The following DAB1 variants were observed in gnomAD, a reference collection of about 807,000 sequenced individuals.
DAB1 encodes disabled homolog 1.
In DAB1, 15 loss-of-function variants were observed where a neutral mutation model predicts 64.6. The ratio of observed to expected loss-of-function variants is 0.23; its 90% CI spans 0.16 to 0.36. The LOEUF (loss-of-function observed/expected upper bound fraction) is 0.36. Ranked by LOEUF, DAB1 falls within the 10% of genes least tolerant of loss-of-function variation. The probability of loss-of-function intolerance (pLI) is 1.00; values close to 1 mark genes in which losing one functional copy is unlikely to be tolerated. For missense variants in DAB1, 596 were observed against 706.7 expected (o/e 0.84, Z 1.78); for synonymous variants, 235 against 251.9 (o/e 0.93, Z 0.64).
intron 4 of DAB1, among the ~76,000 whole-genome samples, chr1:58,252,096 G>C (rs1284961725): frequency 6.6e-6 from 1 of 152,156 alleles, no homozygotes; most frequent in Non-Finnish European, 1.5e-5. Context: ...GTATTGTGAG[G>C]ATGAAATGTG....
chr1:57,438,394 G>GC (rs1553181851), intron 7 of DAB1, among the ~76,000 whole-genome samples: 31 of 150,674 alleles, frequency 2.1e-4, no homozygotes, highest in Non-Finnish European at 4.0e-4. Context: ...ATAGTGGTTT[G>GC]TTTTTTTTTC....
intron 2 of DAB1, among the ~76,000 whole-genome samples, chr1:58,511,615 C>A (rs1386022680): frequency 1.3e-5 from 2 of 151,958 alleles, no homozygotes; most frequent in Non-Finnish European, 2.9e-5. Flanking sequence ...GGTAACAGAG[C>A]AAGACCCTGT....
chr1:57,911,568 A>G lies in DAB1; in HGVS notation n.388-27406T>C, dbSNP rs111793608. Among the ~76,000 whole-genome samples the G allele has an allele frequency of 2.8e-3, 433 of 152,220 alleles. 4 individuals carry two copies. The highest frequency in any genetic ancestry group is 1.0e-2 in the African/African-American group (415 of 41,542). On this transcript the variant is annotated intron_variant and non_coding_transcript_variant, in intron 5 of 20. Coordinates refer to the DAB1 transcript ENST00000485760. ...CCACTCCCAATCTCAGCATCAGCCAAGTGGCACCCCATCGGACCTCAGCTT... is the reference window on the plus strand; with the variant it reads ...CCACTCCCAATCTCAGCATCAGCCAGGTGGCACCCCATCGGACCTCAGCTT...
rs557980961 is a variant in DAB1, at chr1:57,468,898, T to C, written n.626-177732A>G. Among the ~76,000 whole-genome samples, 7 of 152,308 alleles carry C rather than the reference T, an allele frequency of 4.6e-5. No homozygotes were observed. The South Asian group carries it at 8.3e-4, about 18-fold the overall frequency. ...AATATTAACTCAGTGTTGATCACTG[T>C]GCTATGGTGTAAGGTTACAGAGATG... On this transcript the variant is annotated intron_variant and non_coding_transcript_variant, in intron 7 of 20. Transcript: ENST00000485760.
chr1:57,003,051 C>CCT (rs1283476657), intron 14 of DAB1, among the ~76,000 whole-genome samples: 5 of 152,172 alleles, frequency 3.3e-5, no homozygotes, highest in African/African-American at 1.2e-4. Context: ...TTTCAAATGG[C>CCT]CTCTCCTTCA....
intron 9 of DAB1, among the ~76,000 whole-genome samples, chr1:57,048,176 G>A (rs987141653): frequency 6.6e-6 from 1 of 152,146 alleles, no homozygotes; most frequent in African/African-American, 2.4e-5. Flanking sequence ...GTAAGTAAGG[G>A]ATAAAAATTT....
At chr1:57,841,721 G>C (rs1032910123) in intron 1 of DAB1, among the ~76,000 whole-genome samples, 1 of 152,194 alleles carries the variant, frequency 6.6e-6, no homozygotes, top group Non-Finnish European at 1.5e-5. Context: ...TGGAGCAGCG[G>C]AGCCCTGGGC....
chr1:57,279,904 T>A (rs1002096086), intron 2 of DAB1, among the ~76,000 whole-genome samples: 2 of 152,206 alleles, frequency 1.3e-5, no homozygotes, highest in African/African-American at 4.8e-5. Flanking sequence ...ACATATTTTA[T>A]CATCATTCCC....
At chr1:58,484,350 C>A (rs1645538950) in intron 3 of DAB1, among the ~76,000 whole-genome samples, 1 of 152,180 alleles carries the variant, frequency 6.6e-6, no homozygotes, top group African/African-American at 2.4e-5. Flanking sequence ...ATGATCTGAT[C>A]AAAGAGTAAG....
At chr1:57,298,135 T>C (rs577250893) in intron 1 of DAB1, among the ~76,000 whole-genome samples, 1 of 152,260 alleles carries the variant, frequency 6.6e-6, no homozygotes, top group Non-Finnish European at 1.5e-5. Context: ...TTTATTTTTA[T>C]TTTTTAATGT....
intron 7 of DAB1, among the ~76,000 whole-genome samples, chr1:57,441,272 C>CTTTCTCTT (rs1233564720): frequency 5.0e-4 from 36 of 72,634 alleles, no homozygotes; most frequent in African/African-American, 1.1e-3. Flanking sequence ...TTCTTTCTTT[C>CTTTCTCTT]TCTTTCTTTC....
intron 1 of DAB1, among the ~76,000 whole-genome samples, chr1:57,850,582 G>A (rs1037396675): frequency 6.6e-6 from 1 of 151,864 alleles, no homozygotes; most frequent in Non-Finnish European, 1.5e-5. Flanking sequence ...CTGATCATTA[G>A]TCGCTGTGGC....
intron 9 of DAB1, among the ~76,000 whole-genome samples, chr1:57,052,125 G>T (rs1387485345): frequency 2.9e-5 from 4 of 136,152 alleles, no homozygotes; most frequent in African/African-American, 1.1e-4. Context: ...TGCTAGGGTT[G>T]TGATTACTGG....
intron 3 of DAB1, among the ~76,000 whole-genome samples, chr1:58,423,035 G>A (rs1417979): frequency 0.41 from 62,614 of 151,844 alleles, 14,098 homozygotes; most frequent in Middle Eastern, 0.52. Context: ...TAGAATGGCC[G>A]TTGAGTTCCA....
At chr1:57,264,254 T>C (rs561295549) in intron 2 of DAB1, among the ~76,000 whole-genome samples, 17 of 152,358 alleles carry the variant, frequency 1.1e-4, no homozygotes, top group African/African-American at 4.1e-4. Context: ...AGAAAATTCT[T>C]CTAGGCATTT....
At chr1:58,385,100 C>G (rs530126733) in intron 3 of DAB1, among the ~76,000 whole-genome samples, 2 of 152,272 alleles carry the variant, frequency 1.3e-5, no homozygotes, top group South Asian at 4.2e-4. Flanking sequence ...AACAAGCACA[C>G]AAACAACAAC....
At chr1:58,466,757 GC>G (rs1645300574) in intron 3 of DAB1, among the ~76,000 whole-genome samples, 1 of 152,098 alleles carries the variant, frequency 6.6e-6, no homozygotes, top group Non-Finnish European at 1.5e-5. Flanking sequence ...GTGATGTTTT[GC>G]CTCCTTTTAC....
chr1:57,459,827 TGAG>T (rs1570540384), intron 7 of DAB1, among the ~76,000 whole-genome samples: 1 of 152,324 alleles, frequency 6.6e-6, no homozygotes, highest in Non-Finnish European at 1.5e-5. Context: ...GAGCTAGCGT[TGAG>T]GAGAAGAAAA....
chr1:57,977,987 G>T (rs1472498394), intron 5 of DAB1, among the ~76,000 whole-genome samples: 1 of 152,092 alleles, frequency 6.6e-6, no homozygotes, highest in Non-Finnish European at 1.5e-5. Context: ...TGGCCATACT[G>T]CCCAAAGTAA....
Sources: allele counts gnomAD v4.1 joint callset (sites outside exome capture counted in the v4.1 genomes callset), GRCh38; gene constraint gnomAD v4.1.1; transcripts MANE v1.5; gene names NCBI Gene and HGNC (gene_info 2026-07-23, HGNC 2026-07-21).